Variants in CRTC3 observed in about 807,000 individuals in gnomAD.
CRTC3 encodes CREB regulated transcription coactivator 3.
Under a neutral mutation model 74.5 loss-of-function variants are expected in CRTC3, and 26 were observed. The observed-to-expected ratio is 0.35, with a 90% CI of 0.26 to 0.48. The LOEUF is 0.48. Among genes scored for constraint, CRTC3 ranks in the 20% least tolerant of loss-of-function variants. The pLI is 0.99. For synonymous variants in CRTC3, 377 were observed against 325.8 expected (o/e 1.16, Z -1.69); for missense variants, 760 against 787.3 (o/e 0.97, Z 0.41).
intron 2 of CRTC3, among the ~76,000 whole-genome samples, chr15:90,563,342 G>C (rs1331232283): frequency 6.6e-6 from 1 of 152,126 alleles, no homozygotes; most frequent in Non-Finnish European, 1.5e-5. Context: ...GGAGGCGGAA[G>C]TTGCAGTGAG....
chr15:90,593,789 T>C, intron 3 of CRTC3, 34 bp downstream of exon 3: 3 of 1,554,722 alleles, frequency 1.9e-6, no homozygotes, highest in Non-Finnish European at 1.8e-6. Flanking sequence ...GGAGTGTGCA[T>C]TCTGAAATGT....
At chr15:90,605,574 AT>A (rs758196103) in intron 5 of CRTC3, among the ~76,000 whole-genome samples, 70 of 149,636 alleles carry the variant, frequency 4.7e-4, no homozygotes, top group Non-Finnish European at 8.6e-4. Context: ...TTGGCTCTGC[AT>A]TCGTTTGATA....
chr15:90,538,773 CT>C (rs4031379), intron 1 of CRTC3, among the ~76,000 whole-genome samples: 37 of 144,476 alleles, frequency 2.6e-4, no homozygotes, highest in East Asian at 1.4e-3. Context: ...CAAACTTCAC[CT>C]TTTTTTTTTT....
intron 2 of CRTC3, among the ~76,000 whole-genome samples, chr15:90,568,557 G>A (rs1967178809): frequency 6.6e-6 from 1 of 151,698 alleles, no homozygotes; most frequent in East Asian, 1.9e-4. Context: ...CATCATATTG[G>A]CCAGGCTGGT....
At chr15:90,618,073 G>A in intron 8 of CRTC3, 105 bp downstream of exon 8, 4 of 695,252 alleles carry the variant, frequency 5.8e-6, no homozygotes, top group Non-Finnish European at 1.0e-5. Context: ...GGGGGAAAAG[G>A]AGAAGATTTG....
chr15:90,639,098 G>C (rs754111758), intron 13 of CRTC3, among the ~76,000 whole-genome samples: 9 of 152,140 alleles, frequency 5.9e-5, no homozygotes, highest in Admixed American at 2.0e-4. Context: ...CACTGGAAGG[G>C]ACACAGCACC....
intron 11 of CRTC3, among the ~76,000 whole-genome samples, chr15:90,634,301 A>G (rs945643292): frequency 6.6e-6 from 1 of 151,994 alleles, no homozygotes; most frequent in Admixed American, 6.6e-5. Context: ...TTTAGTAGAG[A>G]CGGGATTTCA....
At chr15:90,611,208 G>A (rs1413458958) in intron 6 of CRTC3, among the ~76,000 whole-genome samples, 1 of 152,158 alleles carries the variant, frequency 6.6e-6, no homozygotes, top group Non-Finnish European at 1.5e-5. Flanking sequence ...TAGGACAATG[G>A]TTAAGGGGTC....
chr15:90,632,759 G>A (rs1596145466), intron 11 of CRTC3, among the ~76,000 whole-genome samples: 3 of 152,034 alleles, frequency 2.0e-5, no homozygotes, highest in East Asian at 3.9e-4. Context: ...CATGTGCCAC[G>A]ACGCCTGGCT....
chr15:90,557,169 G>T (rs1415758503), intron 2 of CRTC3, among the ~76,000 whole-genome samples: 1 of 152,048 alleles, frequency 6.6e-6, no homozygotes, highest in Non-Finnish European at 1.5e-5. Flanking sequence ...CAGTGTCTGG[G>T]AGTCTGAGAA....
chr15:90,541,075 G>A (rs1451589992), intron 2 of CRTC3, among the ~76,000 whole-genome samples: 6 of 152,144 alleles, frequency 3.9e-5, no homozygotes, highest in African/African-American at 1.4e-4. Context: ...TCACATCAGT[G>A]GAAAGCCTTG....
chr15:90,578,656 G>T (rs543248035), intron 2 of CRTC3, among the ~76,000 whole-genome samples: 1 of 152,228 alleles, frequency 6.6e-6, no homozygotes, highest in South Asian at 2.1e-4. Context: ...ATTCTTATTT[G>T]CTGTACATGC....
chr15:90,631,983 C>G lies in CRTC3; in HGVS notation c.1266+2451C>G, dbSNP rs1204134431. On this transcript the variant is annotated intron_variant, in intron 11 of 14. Coordinates refer to ENST00000268184, the MANE Select transcript of CRTC3 (RefSeq NM_022769.5). ...TGGCGCGATCACAGCTCACTGCAGC[C>G]TTGAACTCCCTGAGCTCAGGTGATC... is the stretch of plus-strand genomic sequence containing the variant. Among the ~76,000 whole-genome samples the G allele has an allele frequency of 3.3e-5, 5 of 151,756 alleles. No homozygotes were observed. The East Asian group carries it at 5.8e-4, about 18-fold the overall frequency.
chr15:90,574,470 C>T (rs1165416890), intron 2 of CRTC3, among the ~76,000 whole-genome samples: 1 of 151,188 alleles, frequency 6.6e-6, no homozygotes, highest in African/African-American at 2.4e-5. Context: ...GAGCGAGACT[C>T]TGTCTCAAAA....
At chr15:90,602,706 T>C (rs1240876804) in intron 4 of CRTC3, among the ~76,000 whole-genome samples, 1 of 152,058 alleles carries the variant, frequency 6.6e-6, no homozygotes, top group African/African-American at 2.4e-5. Context: ...CCGGGCATGG[T>C]GGCTCATGCC....
chr15:90,600,071 C>G lies in CRTC3; in HGVS notation c.352-2253C>G, dbSNP rs574659520. On this transcript the variant is annotated intron_variant, in intron 3 of 14. Transcript: ENST00000268184. ...ACCTCCTACTGTGGTCTTGCCTCATCTGTACTTCATGTACCTTAAGCCTAA... is the reference window on the plus strand; with the variant it reads ...ACCTCCTACTGTGGTCTTGCCTCATGTGTACTTCATGTACCTTAAGCCTAA... Among the ~76,000 whole-genome samples the G allele has an allele frequency of 3.3e-5, 5 of 152,350 alleles. No homozygotes were observed. In the South Asian group the frequency reaches 1.0e-3, roughly 32 times the overall value.
chr15:90,604,131 T>C (rs745704351), intron 4 of CRTC3: 3 of 381,328 alleles, frequency 7.9e-6, no homozygotes, highest in African/African-American at 2.0e-5. Flanking sequence ...TCTGCCCAGC[T>C]AGCTAATCCT....
rs777546566 is a variant in CRTC3 at position 90,642,069 on chromosome 15, A to C, written c.1789A>C (p.Met597Leu). The stretch of plus-strand genomic sequence containing the variant: ...ACCCCTGAGCCTGGACGGACTCAAC[A>C]TGTTAAGTGACTCCAGCATGGGCCT... The part of the protein sequence containing the change: ...IEPLSLDGLN[M>L]LSDSSMGLLD... Residue 597 changes from methionine to leucine, a missense_variant, in exon 15 of 15, where the codon ATG becomes CTG. Physicochemically the swap from Met to Leu is conservative, Grantham distance 15. Around this residue, in one of 2 missense-constraint regions of CRTC3, gnomAD observed 652 missense variants for 635.2 expected, o/e 1.03. Coordinates refer to ENST00000268184, the MANE Select transcript of CRTC3 (RefSeq NM_022769.5). 2.5e-6 allele frequency: 4 copies of C among 1,613,860 alleles called. No individual in the cohort carries two copies. The Admixed American group carries it at 6.7e-5, about 27-fold the overall frequency.
intron 13 of CRTC3, among the ~76,000 whole-genome samples, chr15:90,640,399 G>A (rs1459369503): frequency 6.6e-6 from 1 of 152,046 alleles, no homozygotes; most frequent in South Asian, 2.1e-4. Context: ...AGAAACCAGG[G>A]AAGAGGCCAG....
Sources: gnomAD v4.1 joint callset for allele counts (sites outside exome capture counted in the v4.1 genomes callset) on GRCh38, gnomAD v4.1.1 for gene constraint, gnomAD v4.1.1 regional missense constraint, MANE v1.5 for transcripts, NCBI Gene and HGNC (gene_info 2026-07-23, HGNC 2026-07-21) for gene names.